FANCI: variants seen among roughly 807,000 people sequenced by gnomAD.
FANCI encodes the protein FA complementation group I, also known as Fanconi anemia group I protein.
FANCI carries 156 observed loss-of-function variants against 176.1 expected under a neutral mutation model. The ratio of observed to expected loss-of-function variants is 0.89; its 90% CI spans 0.78 to 1.01. FANCI has a LOEUF of 1.01. Among genes scored for constraint, FANCI ranks in the 50% least tolerant of loss-of-function variants. FANCI has a pLI of 0.00. For synonymous variants in FANCI, 613 were observed against 541.7 expected, an observed-to-expected ratio of 1.13 and a Z score of -1.83; for missense variants, 1,678 against 1,534.1, an observed-to-expected ratio of 1.09 and a Z score of -1.57.
chr15:89,287,743 C>T (rs917095617), intron 18 of FANCI, among the ~76,000 whole-genome samples: 1 of 152,048 alleles, frequency 6.6e-6, no homozygotes, highest in African/African-American at 2.4e-5. Flanking sequence ...GACCTAATTT[C>T]AATATTGTTT....
chr15:89,279,522 T>A (rs895671386), intron 14 of FANCI, among the ~76,000 whole-genome samples: 2 of 152,208 alleles, frequency 1.3e-5, no homozygotes, highest in African/African-American at 4.8e-5. Flanking sequence ...TCACAAATTT[T>A]AAAAATTTCT....
chr15:89,312,854 C>A, intron 34 of FANCI, 50 bp from the exon 35 acceptor site: 1 of 1,457,414 alleles, frequency 6.9e-7, no homozygotes, highest in Non-Finnish European at 9.6e-7. Flanking sequence ...AGCATGCTAG[C>A]TCCACAGAAA....
In FANCI at chr15:89,314,640, TC is replaced by T. The variant is rs763957576; in HGVS notation, c.3752del (p.Pro1251LeufsTer7). On this transcript the variant is annotated frameshift_variant, in exon 36 of 38. Coordinates refer to ENST00000310775, the MANE Select transcript of FANCI (RefSeq NM_001113378.2). LOFTEE classifies it high-confidence loss of function. The part of the protein sequence containing the change: ...MARVLRETKP[I>X]PNLIFAIEQY... Reference sequence around the variant, plus strand: ...AGAGTTCTTCGGGAAACCAAGCCAATCCCTAACCTCATCTTTGCCATAGAAC... The same window carrying T: ...AGAGTTCTTCGGGAAACCAAGCCAATCCTAACCTCATCTTTGCCATAGAAC... 6.2e-7 allele frequency: 1 copy of T among 1,614,122 alleles called. No homozygotes were observed. Among genetic ancestry groups the T allele is most frequent in the Non-Finnish European group, 8.5e-7 (1 of 1,179,984 alleles).
chr15:89,272,924 C>T (rs927143501), intron 10 of FANCI, among the ~76,000 whole-genome samples: 1 of 152,134 alleles, frequency 6.6e-6, no homozygotes, highest in African/African-American at 2.4e-5. Context: ...GCCTCAGTCT[C>T]CCAAAGTGCT....
intron 12 of FANCI, among the ~76,000 whole-genome samples, chr15:89,274,773 T>G (rs1430890694): frequency 1.3e-5 from 2 of 151,562 alleles, no homozygotes; most frequent in African/African-American, 4.9e-5. Context: ...CCCAAGTAAT[T>G]TTTGCGTTTT....
At position 89,268,467 on chromosome 15, in the gene FANCI, T is replaced by C. The variant is rs142906652; in HGVS notation, c.824T>C (p.Ile275Thr). ...RHVEGTIILHIVFAIKLDYEL... is the reference protein window; with the variant it reads ...RHVEGTIILHTVFAIKLDYEL... ...GTGGAAGGCACCATTATTCTACACA[T>C]TGTGTTTGCCATCAAATTGGACTAT... Residue 275 changes from isoleucine to threonine, a missense_variant, in exon 10 of 38, where the codon ATT becomes ACT. Transcript: ENST00000310775. 1,048 of 1,614,172 alleles carry C rather than the reference T, an allele frequency of 6.5e-4. No individual in the cohort carries two copies. The highest frequency in any genetic ancestry group is 8.4e-4 in the Non-Finnish European group (993 of 1,180,018).
intron 35 of FANCI, 22 bp from the exon 36 acceptor site, chr15:89,314,590 G>A: frequency 1.3e-6 from 2 of 1,574,726 alleles, no homozygotes; most frequent in South Asian, 1.1e-5. Context: ...TGAAATTTAA[G>A]TCTTATGTTC....
At chr15:89,307,562 G>GA in intron 33 of FANCI, 33 bp downstream of exon 33, 1 of 1,614,160 alleles carries the variant, frequency 6.2e-7, no homozygotes, top group Non-Finnish European at 8.5e-7. Flanking sequence ...AGGAATGGGG[G>GA]AAGCACTTTT....
intron 28 of FANCI, among the ~76,000 whole-genome samples, chr15:89,304,487 G>A (rs2054638309): frequency 6.6e-6 from 1 of 152,204 alleles, no homozygotes; most frequent in Non-Finnish European, 1.5e-5. Flanking sequence ...TAGAAGTCAG[G>A]ATAGCAGTTT....
intron 10 of FANCI, among the ~76,000 whole-genome samples, chr15:89,269,498 T>G (rs1429855058): frequency 6.6e-6 from 1 of 152,158 alleles, no homozygotes; most frequent in Non-Finnish European, 1.5e-5. Flanking sequence ...TTTTGAAGCA[T>G]CAGCCCACTT....
intron 19 of FANCI, 108 bp from the exon 20 acceptor site, chr15:89,291,505 A>G (rs2054068335): frequency 1.1e-6 from 1 of 870,346 alleles, no homozygotes; most frequent in Non-Finnish European, 1.9e-6. Flanking sequence ...ACAGTTGGGA[A>G]ATGTGTGTTA....
intron 13 of FANCI, 73 bp downstream of exon 13, chr15:89,276,964 G>T: frequency 1.3e-6 from 2 of 1,489,604 alleles, no homozygotes; most frequent in South Asian, 2.3e-5. Flanking sequence ...ATTTGCCTGG[G>T]AGTTTGGTGG....
chr15:89,246,763 C>CTTTTTTTTT (rs35104299), intron 1 of FANCI, among the ~76,000 whole-genome samples: 74 of 113,934 alleles, frequency 6.5e-4, no homozygotes, highest in African/African-American at 2.3e-3. Context: ...TTCTTCCTTT[C>CTTTTTTTTT]TTTTTTTTTT....
At chr15:89,315,942 T>A (rs1440986648) in intron 37 of FANCI, among the ~76,000 whole-genome samples, 1 of 152,196 alleles carries the variant, frequency 6.6e-6, no homozygotes, top group Non-Finnish European at 1.5e-5. Flanking sequence ...GTCTAATAAG[T>A]AGCAAATCAG....
chr15:89,299,686 G>A, intron 24 of FANCI, 114 bp from the exon 25 acceptor site: 1 of 1,029,998 alleles, frequency 9.7e-7, no homozygotes, highest in Non-Finnish European at 1.4e-6. Flanking sequence ...ACACAACCAT[G>A]TAAGTTTTTT....
At chr15:89,283,336 T>A in intron 17 of FANCI, 86 bp downstream of exon 17, 2 of 1,591,020 alleles carry the variant, frequency 1.3e-6, no homozygotes, top group South Asian at 2.2e-5. Context: ...TTATTCCTGT[T>A]ATGGTTGTAA....
In FANCI at chr15:89,249,626, G is replaced by A. The variant is rs1401485823; in HGVS notation, c.84+1895G>A. On this transcript the variant is annotated intron_variant, in intron 2 of 37. Coordinates refer to ENST00000310775, the MANE Select transcript of FANCI (RefSeq NM_001113378.2). ...GCCTCCCACAGTGCCGGGATTACACGTGTGAGCCACTCTGCCTGACCTAGT... is the reference window on the plus strand; with the variant it reads ...GCCTCCCACAGTGCCGGGATTACACATGTGAGCCACTCTGCCTGACCTAGT... 5.3e-5 allele frequency among the ~76,000 whole-genome samples: 8 copies of A among 152,304 alleles called. No homozygotes were observed. The Middle Eastern group carries it at 0.014, about 259-fold the overall frequency.
At chr15:89,269,958 G>A (rs1409889017) in intron 10 of FANCI, among the ~76,000 whole-genome samples, 4 of 151,974 alleles carry the variant, frequency 2.6e-5, no homozygotes, top group Non-Finnish European at 2.9e-5. Flanking sequence ...CTACAAGTGC[G>A]TGCCACCACG....
At chr15:89,265,355 G>A (rs1000487004) in intron 9 of FANCI, among the ~76,000 whole-genome samples, 3 of 151,944 alleles carry the variant, frequency 2.0e-5, no homozygotes, top group African/African-American at 4.8e-5. Context: ...CTACAGGTGC[G>A]CACCACTACG....
Sources: allele counts gnomAD v4.1 joint callset (sites outside exome capture counted in the v4.1 genomes callset), GRCh38; gene constraint gnomAD v4.1.1; transcripts MANE v1.5; gene names NCBI Gene and HGNC (gene_info 2026-07-23, HGNC 2026-07-21).